Variants in NAPB observed in about 807,000 individuals in gnomAD.
The protein encoded by NAPB is beta-soluble NSF attachment protein.
Under a neutral mutation model 44.7 loss-of-function variants are expected in NAPB, and 26 were observed. The observed-to-expected ratio is 0.58, with a 90% CI of 0.43 to 0.81. The LOEUF (loss-of-function observed/expected upper bound fraction) is 0.81. NAPB is among the 30% of genes least tolerant of loss of function. The probability of loss-of-function intolerance (pLI) is 0.00; values close to 1 mark genes in which losing one functional copy is unlikely to be tolerated. For missense variants in NAPB, 315 were observed against 356.4 expected (o/e 0.88, Z 0.94); for synonymous variants, 120 against 116.8 (o/e 1.03, Z -0.18).
At position 23,397,178 on chromosome 20, in the gene NAPB, G is replaced by A. The variant is rs17750862; in HGVS notation, c.189C>T (p.Asn63=). ...KMAKNWSAAG[N]AFCQAAKLHM... ...GGAGCTTGGCTGCCTGACAAAATGC[G>A]TTTCCTGCAGCTGAAGAAGACACTA... The change falls in exon 3 of 11, where the codon AAC becomes AAT. Residue 63 remains asparagine, a synonymous_variant. Transcript: ENST00000377026. 80,770 of 1,611,164 alleles carry A rather than the reference G, an allele frequency of 0.05. 2,406 individuals carry two copies. Among genetic ancestry groups the A allele is most frequent in the Non-Finnish European group, 0.056 (65,503 of 1,177,920 alleles).
chr20:23,390,657 C>G (rs947433341), intron 5 of NAPB, among the ~76,000 whole-genome samples: 5 of 152,202 alleles, frequency 3.3e-5, no homozygotes, highest in African/African-American at 9.7e-5. Context: ...GGGCTATGAC[C>G]AAGTCCAGAG....
At chr20:23,383,570 T>A (rs112722384) in intron 7 of NAPB, among the ~76,000 whole-genome samples, 1 of 152,004 alleles carries the variant, frequency 6.6e-6, no homozygotes, top group Admixed American at 6.6e-5. Context: ...AAAAGAACAA[T>A]CAACTTAGAA....
At chr20:23,384,208 G>T (rs914825649) in intron 7 of NAPB, among the ~76,000 whole-genome samples, 1 of 152,178 alleles carries the variant, frequency 6.6e-6, no homozygotes, top group Admixed American at 6.5e-5. Context: ...TGATATATGA[G>T]AGAGGTCCTG....
At chr20:23,384,139 G>C (rs926455796) in intron 7 of NAPB, among the ~76,000 whole-genome samples, 8 of 152,112 alleles carry the variant, frequency 5.3e-5, no homozygotes, top group African/African-American at 1.4e-4. Flanking sequence ...ATGAAAGGCA[G>C]ACTTTTTTAT....
At chr20:23,392,786 G>A (rs6083109) in intron 5 of NAPB, among the ~76,000 whole-genome samples, 12,035 of 151,848 alleles carry the variant, frequency 0.079, 1,117 homozygotes, top group African/African-American at 0.22. Flanking sequence ...GCCTCCCAAA[G>A]TGGTAGGATT....
At chr20:23,399,031 C>T (rs1420274915) in intron 2 of NAPB, among the ~76,000 whole-genome samples, 1 of 151,890 alleles carries the variant, frequency 6.6e-6, no homozygotes, top group East Asian at 1.9e-4. Flanking sequence ...ATCTCTTGTT[C>T]CAACTCCCTC....
At chr20:23,413,155 T>C (rs972853757) in intron 1 of NAPB, among the ~76,000 whole-genome samples, 6 of 151,956 alleles carry the variant, frequency 3.9e-5, no homozygotes, top group African/African-American at 1.5e-4. Flanking sequence ...AAGTAAAGTG[T>C]ACCTGGACCA....
At chr20:23,395,101 C>G in intron 4 of NAPB, 38 bp downstream of exon 4, 1 of 1,613,992 alleles carries the variant, frequency 6.2e-7, no homozygotes, top group Non-Finnish European at 8.5e-7. Flanking sequence ...CATCTCAAGA[C>G]TCCACCCCAC....
intron 7 of NAPB, among the ~76,000 whole-genome samples, chr20:23,389,166 T>C (rs1983748945): frequency 6.7e-6 from 1 of 149,130 alleles, no homozygotes; most frequent in Admixed American, 6.7e-5. Flanking sequence ...TCACTAGTCA[T>C]TAGGGAAATA....
intron 1 of NAPB, among the ~76,000 whole-genome samples, chr20:23,418,755 G>A (rs1446710690): frequency 1.3e-5 from 2 of 150,630 alleles, no homozygotes; most frequent in Non-Finnish European, 2.9e-5. Flanking sequence ...GGCCAACACA[G>A]TGAAACCCCG....
intron 2 of NAPB, among the ~76,000 whole-genome samples, chr20:23,397,708 G>A (rs2243448): frequency 0.59 from 89,756 of 152,060 alleles, 29,114 homozygotes; most frequent in East Asian, 0.88. Context: ...TTGAAATCCA[G>A]AAAAGTCTAA....
chr20:23,393,372 C>T (rs1984115083), intron 5 of NAPB, among the ~76,000 whole-genome samples: 1 of 152,028 alleles, frequency 6.6e-6, no homozygotes, highest in African/African-American at 2.4e-5. Context: ...GCTGAATAAC[C>T]AACAGGTGGA....
At chr20:23,380,250 C>T (rs912946860) in intron 8 of NAPB, among the ~76,000 whole-genome samples, 1 of 152,210 alleles carries the variant, frequency 6.6e-6, no homozygotes, top group Admixed American at 6.5e-5. Flanking sequence ...TTAATACAGT[C>T]CAGATTCCAA....
In NAPB at chr20:23,377,327, AG is replaced by A; in HGVS notation, c.*48del. 7.8e-7 allele frequency: 1 copy of A among 1,280,792 alleles called. No individual in the cohort carries two copies. The highest frequency in any genetic ancestry group is 1.1e-6 in the Non-Finnish European group (1 of 907,176). 79.3% of individuals were successfully genotyped at this position (1,280,792 alleles called of 1,614,324 possible). A position where few individuals can be genotyped will look rare whatever the true frequency, so the allele number is the denominator to read the frequency against. ...ATCCCATAAAGATCACTTGACCCTA[AG>A]ACAAAACTAAAGAGGAGTTAGCTGC... On this transcript the variant is annotated 3_prime_UTR_variant, in exon 11 of 11. Transcript: ENST00000377026.
At chr20:23,421,278 C>A (rs760667024) in intron 1 of NAPB, 27 bp downstream of exon 1, 13 of 1,434,708 alleles carry the variant, frequency 9.1e-6, no homozygotes, top group Admixed American at 2.5e-5. Flanking sequence ...CCCCCCCCCC[C>A]CAGGGCACGC....
At chr20:23,385,763 AAGAGAGAG>A (rs11468639) in intron 7 of NAPB, among the ~76,000 whole-genome samples, 1 of 149,178 alleles carries the variant, frequency 6.7e-6, no homozygotes, top group Non-Finnish European at 1.5e-5. Context: ...GAAAGAGAGA[AAGAGAGAG>A]AGAGAGAGAG....
intron 1 of NAPB, among the ~76,000 whole-genome samples, chr20:23,420,818 C>G (rs867105848): frequency 7.8e-5 from 11 of 140,858 alleles, no homozygotes; most frequent in Non-Finnish European, 1.6e-4. Context: ...AGCCCCCCCC[C>G]CAGAGTGTTC....
At chr20:23,388,895 C>A (rs994984640) in intron 7 of NAPB, among the ~76,000 whole-genome samples, 1 of 151,984 alleles carries the variant, frequency 6.6e-6, no homozygotes, top group Non-Finnish European at 1.5e-5. Context: ...AAAAAATAGA[C>A]AAACTGGACT....
At chr20:23,407,925 C>A (rs1027314506) in intron 1 of NAPB, among the ~76,000 whole-genome samples, 4 of 152,136 alleles carry the variant, frequency 2.6e-5, no homozygotes, top group Non-Finnish European at 5.9e-5. Flanking sequence ...CAACTATAGT[C>A]CGTACTATTT....
Sources: gnomAD v4.1 joint callset for allele counts (sites outside exome capture counted in the v4.1 genomes callset) on GRCh38, gnomAD v4.1.1 for gene constraint, MANE v1.5 for transcripts, NCBI Gene and HGNC (gene_info 2026-07-23, HGNC 2026-07-21) for gene names.